KCNQ5: variants seen among roughly 807,000 people sequenced by gnomAD.
The protein encoded by KCNQ5 is potassium voltage-gated channel subfamily KQT member 5.
In KCNQ5, 30 loss-of-function variants were observed where a neutral mutation model predicts 98.2. The ratio of observed to expected loss-of-function variants is 0.31; its 90% CI spans 0.23 to 0.41. The LOEUF (loss-of-function observed/expected upper bound fraction) is 0.41, where lower values mean the gene tolerates loss of function less well. Ranked by LOEUF, KCNQ5 falls within the 10% of genes least tolerant of loss-of-function variation. The pLI is 1.00. For missense variants in KCNQ5, 835 were observed against 1,182.5 expected (o/e 0.71, Z 4.31); for synonymous variants, 458 against 449.4 (o/e 1.02, Z -0.24).
chr6:72,641,926 A>G lies in KCNQ5; in HGVS notation c.398+19339A>G, dbSNP rs189335073. Among the ~76,000 whole-genome samples, 70 of 151,838 alleles carry G rather than the reference A, an allele frequency of 4.6e-4. 2 individuals carry two copies. The highest frequency in any genetic ancestry group is 3.9e-3 in the Admixed American group (60 of 15,212). ...GAAGGGTTCTCCTTTATTTTTATGA[A>G]CAATTCTCTACGCCTCATTACTCTC... On this transcript the variant is annotated intron_variant, in intron 1 of 13. Coordinates refer to ENST00000370398, the MANE Select transcript of KCNQ5 (RefSeq NM_019842.4).
At chr6:72,785,004 G>T (rs1301130517) in intron 1 of KCNQ5, among the ~76,000 whole-genome samples, 2 of 152,118 alleles carry the variant, frequency 1.3e-5, no homozygotes, top group African/African-American at 2.4e-5. Context: ...GTTTAAAAAT[G>T]ATCAAAGATT....
chr6:72,735,015 T>C lies in KCNQ5; in HGVS notation c.398+112428T>C, dbSNP rs1427261006. ...TAACTCAGTCTCTAAGCCTTCTACATTGGCACAAGAGGAAGGCCATTGGTT... is the reference window on the plus strand; with the variant it reads ...TAACTCAGTCTCTAAGCCTTCTACACTGGCACAAGAGGAAGGCCATTGGTT... On this transcript the variant is annotated intron_variant, in intron 1 of 13. Transcript: ENST00000370398. 4.6e-5 allele frequency among the ~76,000 whole-genome samples: 7 copies of C among 152,340 alleles called. No individual in the cohort carries two copies. In the South Asian group the frequency reaches 8.3e-4, roughly 18 times the overall value.
chr6:72,850,507 A>C (rs1316774356), intron 1 of KCNQ5, among the ~76,000 whole-genome samples: 2 of 152,236 alleles, frequency 1.3e-5, no homozygotes, highest in African/African-American at 4.8e-5. Flanking sequence ...CCTGGAAAAG[A>C]CATCTCTGGT....
chr6:72,784,638 C>T (rs1010236275), intron 1 of KCNQ5, among the ~76,000 whole-genome samples: 9 of 152,164 alleles, frequency 5.9e-5, no homozygotes, highest in Non-Finnish European at 8.8e-5. Flanking sequence ...TCCTCATGTT[C>T]GTCCTCTCAT....
At chr6:72,636,710 G>A (rs13213217) in intron 1 of KCNQ5, among the ~76,000 whole-genome samples, 57,362 of 151,982 alleles carry the variant, frequency 0.38, 12,478 homozygotes, top group Middle Eastern at 0.51. Flanking sequence ...AGACCCTAGA[G>A]TAGGAACTAT....
intron 5 of KCNQ5, among the ~76,000 whole-genome samples, chr6:73,103,507 G>T (rs1177635274): frequency 6.6e-6 from 1 of 151,860 alleles, no homozygotes; most frequent in East Asian, 1.9e-4. Context: ...AGAGGGGAGG[G>T]ATAGCATTAG....
rs548896104 is a variant in KCNQ5 at position 73,159,342 on chromosome 6, A to G, written c.1469-10404A>G. Among the ~76,000 whole-genome samples the G allele has an allele frequency of 2.6e-5, 4 of 152,308 alleles. No homozygotes were observed. The South Asian group carries it at 8.3e-4, about 32-fold the overall frequency. Reference sequence around the variant, plus strand: ...AGGGGAAAAACACACACTGAGGCCTACTTGAGGGTGGATGGTGGGAGGAGA... The same window carrying G: ...AGGGGAAAAACACACACTGAGGCCTGCTTGAGGGTGGATGGTGGGAGGAGA... On this transcript the variant is annotated intron_variant, in intron 10 of 13. Transcript: ENST00000370398.
chr6:73,185,038 C>G (rs1042167076), intron 11 of KCNQ5, among the ~76,000 whole-genome samples: 1 of 152,194 alleles, frequency 6.6e-6, no homozygotes, highest in Non-Finnish European at 1.5e-5. Flanking sequence ...GACATAATCC[C>G]TGCATTCAAG....
intron 9 of KCNQ5, among the ~76,000 whole-genome samples, chr6:73,128,293 C>G (rs1562195501): frequency 6.6e-6 from 1 of 152,192 alleles, no homozygotes; most frequent in African/African-American, 2.4e-5. Flanking sequence ...TGAATTCCCA[C>G]TAAAACAGTA....
At chr6:73,179,388 T>C (rs1158115346) in intron 11 of KCNQ5, among the ~76,000 whole-genome samples, 1 of 152,118 alleles carries the variant, frequency 6.6e-6, no homozygotes, top group Non-Finnish European at 1.5e-5. Context: ...AAACCACCAG[T>C]TCCTCTCTCA....
chr6:72,820,215 C>T (rs1775688508), intron 1 of KCNQ5, among the ~76,000 whole-genome samples: 1 of 152,140 alleles, frequency 6.6e-6, no homozygotes, highest in East Asian at 1.9e-4. Context: ...TAGAGGACCT[C>T]ACGGTTCCAA....
rs984425231 is a variant in KCNQ5, at chr6:72,910,068, G to C, written c.399-93840G>C. On this transcript the variant is annotated intron_variant, in intron 1 of 13. Transcript: ENST00000370398. Reference sequence around the variant, plus strand: ...AAATATATGCATCCCTTTATCAAATGCAACTCAGTTATTTTTTTTACTTGA... The same window carrying C: ...AAATATATGCATCCCTTTATCAAATCCAACTCAGTTATTTTTTTTACTTGA... 5.3e-5 allele frequency among the ~76,000 whole-genome samples: 8 copies of C among 152,084 alleles called. 1 individual carries two copies. Among genetic ancestry groups the C allele is most frequent in the Admixed American group, 5.2e-4 (8 of 15,262 alleles).
chr6:72,983,061 C>T (rs554317120), intron 1 of KCNQ5, among the ~76,000 whole-genome samples: 157 of 152,314 alleles, frequency 1.0e-3, no homozygotes, highest in African/African-American at 3.7e-3. Flanking sequence ...GATGGGCTTC[C>T]CTTTGTGGGT....
At chr6:73,083,771 T>C (rs1321060296) in intron 5 of KCNQ5, among the ~76,000 whole-genome samples, 1 of 152,146 alleles carries the variant, frequency 6.6e-6, no homozygotes, top group East Asian at 1.9e-4. Context: ...TATCAGAAAA[T>C]TATCTCACCA....
chr6:72,929,779 T>C (rs891080047), intron 1 of KCNQ5, among the ~76,000 whole-genome samples: 5 of 152,140 alleles, frequency 3.3e-5, no homozygotes, highest in Non-Finnish European at 7.4e-5. Flanking sequence ...ATTTAAAACG[T>C]ATACAATTTG....
intron 1 of KCNQ5, among the ~76,000 whole-genome samples, chr6:72,648,518 T>C (rs1300247519): frequency 1.3e-5 from 2 of 152,080 alleles, no homozygotes; most frequent in East Asian, 3.9e-4. Flanking sequence ...TGAGACGAAC[T>C]ATGCAATATT....
intron 1 of KCNQ5, among the ~76,000 whole-genome samples, chr6:72,886,023 T>C (rs1456640477): frequency 1.3e-5 from 2 of 152,050 alleles, no homozygotes; most frequent in East Asian, 3.9e-4. Flanking sequence ...GAAAATCATA[T>C]CTGGGAGAAT....
At chr6:73,076,879 T>G (rs1469270698) in intron 3 of KCNQ5, among the ~76,000 whole-genome samples, 2 of 152,278 alleles carry the variant, frequency 1.3e-5, no homozygotes, top group African/African-American at 4.8e-5. Flanking sequence ...TGGACACATT[T>G]ACATGCCTCT....
chr6:73,029,017 G>A (rs376429823), intron 2 of KCNQ5, among the ~76,000 whole-genome samples: 1 of 152,158 alleles, frequency 6.6e-6, no homozygotes, highest in Non-Finnish European at 1.5e-5. Flanking sequence ...GTGGATAGAG[G>A]CCGTCACCCA....
Sources: gnomAD v4.1 joint callset for allele counts (sites outside exome capture counted in the v4.1 genomes callset) on GRCh38, gnomAD v4.1.1 for gene constraint, MANE v1.5 for transcripts, NCBI Gene and HGNC (gene_info 2026-07-23, HGNC 2026-07-21) for gene names.